The following ZNF81 variants were observed in gnomAD, a reference collection of about 807,000 sequenced individuals.
The protein encoded by ZNF81 is zinc finger protein 81 (HFZ20).
A neutral mutation model predicts 32.3 loss-of-function variants in ZNF81; 5 were observed. The ratio of observed to expected loss-of-function variants is 0.15; its 90% confidence interval spans 0.08 to 0.33. ZNF81 has a LOEUF of 0.33. Ranked by LOEUF, ZNF81 falls within the 10% of genes least tolerant of loss-of-function variation. The pLI is 1.00. For synonymous variants in ZNF81, 163 were observed against 166.8 expected, an observed-to-expected ratio of 0.98 and a Z score of 0.17; for missense variants, 379 against 479.8, an observed-to-expected ratio of 0.79 and a Z score of 1.96.
chrX:47,900,328 A>G (rs1556887785), intron 4 of ZNF81, among the ~76,000 whole-genome samples: 1 of 111,716 alleles, frequency 9.0e-6, no homozygotes, highest in Non-Finnish European at 1.9e-5. Context: ...TTTTTGACAA[A>G]GGTGCCAATG....
intron 2 of ZNF81, among the ~76,000 whole-genome samples, chrX:47,854,764 G>GT (rs782331871): frequency 1.8e-5 from 2 of 111,865 alleles, no homozygotes; most frequent in Non-Finnish European, 3.8e-5. Context: ...AACGACAATA[G>GT]TAACATCAAA....
chrX:47,885,854 T>TAGC (rs1272356650), intron 2 of ZNF81, among the ~76,000 whole-genome samples: 2 of 111,924 alleles, frequency 1.8e-5, no homozygotes, highest in Non-Finnish European at 3.8e-5. Context: ...ATTGAAACCA[T>TAGC]AGCATCATCC....
At chrX:47,887,497 C>A (rs2058646409) in intron 2 of ZNF81, among the ~76,000 whole-genome samples, 1 of 111,569 alleles carries the variant, frequency 9.0e-6, no homozygotes, top group African/African-American at 3.3e-5. Flanking sequence ...GGACCATTAT[C>A]CTAGATAGAC....
chrX:47,909,443 G>A (rs181884995), intron 4 of ZNF81, among the ~76,000 whole-genome samples: 31 of 110,880 alleles, frequency 2.8e-4, no homozygotes, highest in African/African-American at 1.0e-3. Context: ...CTGTCTTCAG[G>A]ATATCTGTTC....
intron 2 of ZNF81, among the ~76,000 whole-genome samples, chrX:47,863,864 T>G (rs1431319757): frequency 8.9e-6 from 1 of 111,960 alleles, no homozygotes; most frequent in African/African-American, 3.2e-5. Flanking sequence ...CTTTTTCTAA[T>G]TGCGTAATTC....
At chrX:47,870,672 T>A (rs1556883794) in intron 2 of ZNF81, among the ~76,000 whole-genome samples, 1 of 112,441 alleles carries the variant, frequency 8.9e-6, no homozygotes, top group Admixed American at 9.4e-5. Flanking sequence ...AAACATCTCT[T>A]ACCTTCTGCG....
chrX:47,858,919 C>T (rs1352485791), intron 2 of ZNF81, among the ~76,000 whole-genome samples: 5 of 109,408 alleles, frequency 4.6e-5, no homozygotes, highest in East Asian at 2.9e-4. Context: ...GGTGAAACCC[C>T]GTCTCTACTA....
intron 2 of ZNF81, among the ~76,000 whole-genome samples, chrX:47,882,238 A>G (rs1556885262): frequency 9.0e-6 from 1 of 111,365 alleles, no homozygotes; most frequent in African/African-American, 3.3e-5. Flanking sequence ...ATACACATCC[A>G]TGCAAATTAA....
chrX:47,871,104 T>A (rs2058578441), intron 2 of ZNF81, among the ~76,000 whole-genome samples: 1 of 112,039 alleles, frequency 8.9e-6, no homozygotes, highest in African/African-American at 3.2e-5. Context: ...TACAGCCCTA[T>A]CAGCAGAATC....
At chrX:47,911,499 AT>A (rs2058739181) in intron 4 of ZNF81, among the ~76,000 whole-genome samples, 1 of 111,766 alleles carries the variant, frequency 8.9e-6, no homozygotes, top group South Asian at 3.7e-4. Flanking sequence ...AAGAGCTCGT[AT>A]CTTATTTTCA....
intron 1 of ZNF81, among the ~76,000 whole-genome samples, chrX:47,837,984 T>C (rs1556879313): frequency 8.9e-6 from 1 of 112,401 alleles, no homozygotes; most frequent in Non-Finnish European, 1.9e-5. Context: ...GTCTCTCTAT[T>C]TATTTAGATC....
intron 2 of ZNF81, among the ~76,000 whole-genome samples, chrX:47,878,804 A>G (rs2058609799): frequency 8.9e-6 from 1 of 112,546 alleles, no homozygotes; most frequent in Non-Finnish European, 1.9e-5. Context: ...TTAAAATAAC[A>G]GAAGTTTGTT....
intron 1 of ZNF81, among the ~76,000 whole-genome samples, chrX:47,845,498 T>C (rs1436916379): frequency 8.9e-6 from 1 of 112,344 alleles, no homozygotes; most frequent in African/African-American, 3.2e-5. Flanking sequence ...CAGGGTCATA[T>C]TTTCAACATC....
chrX:47,886,988 T>A (rs2058644250), intron 2 of ZNF81, among the ~76,000 whole-genome samples: 1 of 112,202 alleles, frequency 8.9e-6, no homozygotes. Flanking sequence ...TTTTTGTTAA[T>A]TTTTGTATAT....
rs2058761137 is a variant in ZNF81, at chrX:47,917,389, A to T, written c.*757A>T. ...TGCAAAGTAGCCACAGATTCCTCCC[A>T]TCCCAAGTAGCGTCTCTTTGTCTAC... On this transcript the variant is annotated 3_prime_UTR_variant, in exon 5 of 5. Transcript: ENST00000338637. The T allele has an allele frequency of 3.4e-6, 1 of 293,769 alleles. No individual in the cohort carries two copies. The highest frequency in any genetic ancestry group is 6.2e-5 in the Admixed American group (1 of 16,092). 24.2% of individuals were successfully genotyped at this position (293,769 alleles called of 1,213,427 possible). A position where few individuals can be genotyped will look rare whatever the true frequency, so the allele number is the denominator to read the frequency against.
At chrX:47,911,474 A>G (rs782749095) in intron 4 of ZNF81, among the ~76,000 whole-genome samples, 1 of 111,316 alleles carries the variant, frequency 9.0e-6, no homozygotes, top group South Asian at 3.8e-4. Context: ...GTAATTTTTG[A>G]AAGTCTCTGA....
chrX:47,860,791 G>A (rs1556882471), intron 2 of ZNF81: 1 of 111,111 alleles, frequency 9.0e-6, no homozygotes, highest in African/African-American at 3.3e-5. Context: ...GGTGCTGGGT[G>A]GATGGCACGC....
At chrX:47,885,784 C>T (rs1476298307) in intron 2 of ZNF81, among the ~76,000 whole-genome samples, 2 of 111,955 alleles carry the variant, frequency 1.8e-5, no homozygotes, top group Non-Finnish European at 3.8e-5. Flanking sequence ...AAAGGTCATA[C>T]CTCTTAATAC....
At chrX:47,889,915 C>T (rs73632370) in intron 3 of ZNF81, among the ~76,000 whole-genome samples, 2,207 of 110,996 alleles carry the variant, frequency 0.02, 60 homozygotes, top group African/African-American at 0.069. Flanking sequence ...CTGAGAAATC[C>T]GCCACCATGA....
Sources: gnomAD v4.1 joint callset for allele counts (sites outside exome capture counted in the v4.1 genomes callset) on GRCh38, gnomAD v4.1.1 for gene constraint, MANE v1.5 for transcripts, NCBI Gene and HGNC (gene_info 2026-07-23, HGNC 2026-07-21) for gene names.